RNF17: variants seen among roughly 807,000 people sequenced by gnomAD.
RNF17 encodes the protein spermatogenesis associated 23.
Under a neutral mutation model 200.5 loss-of-function variants are expected in RNF17, and 31 were observed. The ratio of observed to expected loss-of-function variants is 0.15; its 90% CI spans 0.12 to 0.21. RNF17 has a LOEUF of 0.21. Among genes scored for constraint, RNF17 ranks in the 10% least tolerant of loss-of-function variants. The pLI, the probability that RNF17 is intolerant of heterozygous loss-of-function variation, is 1.00. For synonymous variants in RNF17, 606 were observed against 637.8 expected (o/e 0.95, Z 0.75); for missense variants, 1,628 against 1,905.1 (o/e 0.85, Z 2.71).
intron 33 of RNF17, 132 bp downstream of exon 33, chr13:24,874,381 G>A (rs755927513): frequency 1.9e-5 from 13 of 670,680 alleles, no homozygotes; most frequent in Non-Finnish European, 2.2e-5. Flanking sequence ...AATTTTTTTC[G>A]TGTTAAAGTA....
chr13:24,796,553 A>T (rs936466407), intron 11 of RNF17, among the ~76,000 whole-genome samples: 4 of 152,132 alleles, frequency 2.6e-5, no homozygotes, highest in Non-Finnish European at 4.4e-5. Flanking sequence ...TTTTAAAACT[A>T]CAAGACCCAT....
chr13:24,862,878 A>T (rs1893239675), intron 28 of RNF17, 85 bp downstream of exon 28: 2 of 810,074 alleles, frequency 2.5e-6, no homozygotes, highest in African/African-American at 1.7e-5. Flanking sequence ...TTTTGATGAT[A>T]AGCAATGGTA....
At chr13:24,865,774 TGGGTGAGTGG>T (rs1016580937) in intron 29 of RNF17, among the ~76,000 whole-genome samples, 1 of 152,136 alleles carries the variant, frequency 6.6e-6, no homozygotes, top group African/African-American at 2.4e-5. Flanking sequence ...GTGGTTGTTG[TGGGTGAGTGG>T]GGGTGTGTGT....
chr13:24,804,518 TAGTC>T (rs989137526), intron 15 of RNF17, 89 bp downstream of exon 15: 25 of 1,013,254 alleles, frequency 2.5e-5, no homozygotes, highest in South Asian at 5.2e-5. Context: ...CCGTCAATTT[TAGTC>T]AGAGCAAACG....
At chr13:24,756,842 T>A in the RNF17 span, among the ~76,000 whole-genome samples, 14 of 152,318 alleles carry the variant, frequency 9.2e-5, no homozygotes, top group Middle Eastern at 6.8e-3. Context: ...TTTGCAGTCC[T>A]CCTTTGTATA....
intron 30 of RNF17, among the ~76,000 whole-genome samples, chr13:24,867,735 T>C (rs1893777447): frequency 6.6e-6 from 1 of 152,276 alleles, no homozygotes; most frequent in South Asian, 2.1e-4. Flanking sequence ...TATACACATT[T>C]GCTTTTAACA....
At chr13:24,797,774 C>A (rs955073187) in intron 11 of RNF17, among the ~76,000 whole-genome samples, 2 of 142,140 alleles carry the variant, frequency 1.4e-5, no homozygotes, top group Non-Finnish European at 3.0e-5. Context: ...GTGTTCTGAC[C>A]AGGATTGTTT....
chr13:24,779,835 A>G (rs1223274789), intron 5 of RNF17, 88 bp downstream of exon 5: 5 of 1,016,106 alleles, frequency 4.9e-6, no homozygotes, highest in Admixed American at 3.6e-5. Context: ...CACTGAGGTT[A>G]GAGCTTAGCA....
intron 9 of RNF17, 114 bp downstream of exon 9, chr13:24,789,886 A>G: frequency 1.5e-6 from 1 of 687,940 alleles, no homozygotes; most frequent in Non-Finnish European, 2.6e-6. Context: ...ATAAAGGGCA[A>G]AATAGTTTCT....
At chr13:24,840,892 A>T (rs1052426117) in intron 18 of RNF17, among the ~76,000 whole-genome samples, 11 of 152,286 alleles carry the variant, frequency 7.2e-5, no homozygotes, top group East Asian at 3.9e-4. Flanking sequence ...ATGGAAAAAA[A>T]TTTTTTAAAA....
chr13:24,849,471 C>G (rs1891610535), intron 22 of RNF17, among the ~76,000 whole-genome samples: 1 of 152,112 alleles, frequency 6.6e-6, no homozygotes, highest in African/African-American at 2.4e-5. Context: ...TTGTTTTTAG[C>G]TCATCAGCTA....
chr13:24,846,807 T>G (rs1210430249), intron 22 of RNF17, among the ~76,000 whole-genome samples: 1 of 152,238 alleles, frequency 6.6e-6, no homozygotes, highest in Non-Finnish European at 1.5e-5. Flanking sequence ...TAAGCTTGTT[T>G]TAGATTGTCT....
intron 14 of RNF17, among the ~76,000 whole-genome samples, chr13:24,803,489 G>A (rs1162635409): frequency 1.3e-5 from 2 of 152,190 alleles, no homozygotes; most frequent in African/African-American, 4.8e-5. Flanking sequence ...AGCAGAGACA[G>A]GGTTTCACCT....
chr13:24,776,753 T>A, intron 3 of RNF17, among the ~76,000 whole-genome samples: 1 of 152,158 alleles, frequency 6.6e-6, no homozygotes, highest in East Asian at 1.9e-4. Context: ...GCTCACCCCC[T>A]CTGAAGGAGG....
intron 34 of RNF17, among the ~76,000 whole-genome samples, chr13:24,878,880 C>A (rs1895141277): frequency 6.6e-6 from 1 of 152,116 alleles, no homozygotes; most frequent in South Asian, 2.1e-4. Context: ...CCATCACAGT[C>A]AGTTTATGCA....
chr13:24,804,728 T>C (rs1885645459), intron 15 of RNF17, among the ~76,000 whole-genome samples: 1 of 152,220 alleles, frequency 6.6e-6, no homozygotes, highest in Admixed American at 6.5e-5. Flanking sequence ...ATAAATTTTT[T>C]TCTAACCTGT....
intron 33 of RNF17, among the ~76,000 whole-genome samples, chr13:24,876,347 T>C (rs1894852355): frequency 6.6e-6 from 1 of 152,174 alleles, no homozygotes; most frequent in Non-Finnish European, 1.5e-5. Flanking sequence ...GAACTTGGGT[T>C]GCTCCCCGCT....
rs1593482868 is a variant in RNF17, at chr13:24,869,108, G to GTA, written c.4278+395_4278+396dup. The stretch of plus-strand genomic sequence containing the variant: ...CTATGTTTGTCTGCCTCCCCTTAGG[G>GTA]TATAGCTCCATGTTGTTCATTGAGG... On this transcript the variant is annotated intron_variant, in intron 31 of 35. Transcript: ENST00000255324. 4.3e-5 allele frequency among the ~76,000 whole-genome samples: 6 copies of GTA among 140,836 alleles called. No homozygotes were observed. In the South Asian group the frequency reaches 1.3e-3, roughly 31 times the overall value. 92.4% of individuals were successfully genotyped at this position (140,836 alleles called of 152,430 possible).
chr13:24,779,230 G>T (rs557391610), intron 4 of RNF17, among the ~76,000 whole-genome samples: 18 of 152,156 alleles, frequency 1.2e-4, no homozygotes, highest in African/African-American at 3.9e-4. Flanking sequence ...ATCATTAATG[G>T]GCTGGGGAAG....
Sources: gnomAD v4.1 joint callset for allele counts (sites outside exome capture counted in the v4.1 genomes callset) on GRCh38, gnomAD v4.1.1 for gene constraint, MANE v1.5 for transcripts, NCBI Gene and HGNC (gene_info 2026-07-23, HGNC 2026-07-21) for gene names.